The following PARN variants were observed in gnomAD, a reference collection of about 807,000 sequenced individuals.
PARN encodes the protein poly(A)-specific ribonuclease PARN.
A neutral mutation model predicts 102.8 loss-of-function variants in PARN; 71 were observed. The ratio of observed to expected loss-of-function variants is 0.69; its 90% confidence interval spans 0.57 to 0.84. PARN has a LOEUF of 0.84. Among genes scored for constraint, PARN ranks in the 40% least tolerant of loss-of-function variants. The probability of loss-of-function intolerance (pLI) is 0.00; values close to 1 mark genes in which losing one functional copy is unlikely to be tolerated. For missense variants in PARN, 782 were observed against 760.9 expected (o/e 1.03, Z -0.33); for synonymous variants, 261 against 252.9 (o/e 1.03, Z -0.30).
chr16:14,532,755 G>A (rs1966414614), intron 21 of PARN, among the ~76,000 whole-genome samples: 1 of 150,598 alleles, frequency 6.6e-6, no homozygotes, highest in South Asian at 2.1e-4. Flanking sequence ...GGCCGGGTGG[G>A]GGGCTGACCC....
intron 22 of PARN, among the ~76,000 whole-genome samples, chr16:14,480,099 G>A (rs1470007916): frequency 2.0e-5 from 3 of 152,056 alleles, no homozygotes; most frequent in African/African-American, 4.8e-5. Context: ...TTGGGAGGCC[G>A]AGGCTGCCGG....
chr16:14,495,820 CAGA>C (rs1964284860), intron 21 of PARN, among the ~76,000 whole-genome samples: 1 of 152,106 alleles, frequency 6.6e-6, no homozygotes, highest in African/African-American at 2.4e-5. Context: ...GACAGAGGCA[CAGA>C]AGGAGGGAGG....
At chr16:14,541,195 T>A (rs1446740534) in intron 21 of PARN, among the ~76,000 whole-genome samples, 1 of 151,656 alleles carries the variant, frequency 6.6e-6, no homozygotes, top group East Asian at 1.9e-4. Flanking sequence ...AATAACTTTT[T>A]AAAAAATCAA....
chr16:14,570,579 G>C (rs900235782), intron 18 of PARN, among the ~76,000 whole-genome samples: 3 of 151,216 alleles, frequency 2.0e-5, no homozygotes, highest in Non-Finnish European at 4.4e-5. Flanking sequence ...GAACCTGGGA[G>C]GCGGAGGTTG....
chr16:14,567,610 G>A (rs1449344175), intron 18 of PARN, among the ~76,000 whole-genome samples: 1 of 152,156 alleles, frequency 6.6e-6, no homozygotes, highest in South Asian at 2.1e-4. Context: ...CCAAGTTCTT[G>A]GGAAAGCCAG....
At chr16:14,546,215 T>C (rs190255348) in intron 21 of PARN, among the ~76,000 whole-genome samples, 20 of 152,390 alleles carry the variant, frequency 1.3e-4, no homozygotes, top group Admixed American at 5.2e-4. Flanking sequence ...AATTCAGGGC[T>C]GAACAATCAT....
rs754478076 is a variant in PARN, at chr16:14,581,448, AC to A, written c.1193-506del. Among the ~76,000 whole-genome samples, 89 of 152,058 alleles carry A rather than the reference AC, an allele frequency of 5.9e-4. 2 individuals are homozygous for A. The highest frequency in any genetic ancestry group is 4.9e-4 in the Non-Finnish European group (33 of 68,008). The stretch of plus-strand genomic sequence containing the variant: ...CCTCCCCTCATCTCCTCCCACTCCT[AC>A]CTCAAAACCCTCCCACTTTTAATTG... On this transcript the variant is annotated intron_variant, in intron 17 of 23. Transcript: ENST00000437198.
intron 21 of PARN, among the ~76,000 whole-genome samples, chr16:14,544,351 G>C (rs995024372): frequency 6.6e-6 from 1 of 152,112 alleles, no homozygotes; most frequent in African/African-American, 2.4e-5. Context: ...AATGCAGGTG[G>C]GTCACTTGAG....
rs75890207 is a variant in PARN at position 14,549,666 on chromosome 16, T to C, written c.1480+2355A>G. Among the ~76,000 whole-genome samples, 15 of 152,342 alleles carry C rather than the reference T, an allele frequency of 9.8e-5. No individual in the cohort carries two copies. The East Asian group carries it at 2.5e-3, about 25-fold the overall frequency. On this transcript the variant is annotated intron_variant, in intron 21 of 23. Transcript: ENST00000437198. ...ACACACAAGCAAGGAATCATGCTTG[T>C]ATTTTCAAATAAATGCTACTAACTC...
intron 12 of PARN, among the ~76,000 whole-genome samples, chr16:14,594,752 A>G (rs989356679): frequency 3.9e-5 from 6 of 152,188 alleles, no homozygotes; most frequent in African/African-American, 1.2e-4. Context: ...AGCTTTTACT[A>G]TAACCCAAAG....
At chr16:14,506,033 C>G (rs140210012) in intron 21 of PARN, among the ~76,000 whole-genome samples, 327 of 152,252 alleles carry the variant, frequency 2.1e-3, no homozygotes, top group African/African-American at 7.6e-3. Flanking sequence ...TGATGTCAAA[C>G]CAGACATCAG....
At chr16:14,572,235 G>T (rs1968856232) in intron 18 of PARN, among the ~76,000 whole-genome samples, 1 of 152,178 alleles carries the variant, frequency 6.6e-6, no homozygotes, top group South Asian at 2.1e-4. Context: ...ACAACCCACT[G>T]CGACCCTGCA....
At chr16:14,615,732 C>G (rs777591140) in intron 6 of PARN, among the ~76,000 whole-genome samples, 1 of 152,188 alleles carries the variant, frequency 6.6e-6, no homozygotes, top group South Asian at 2.1e-4. Flanking sequence ...GAAACCCCAT[C>G]GCTACTAAAA....
intron 21 of PARN, among the ~76,000 whole-genome samples, chr16:14,547,077 A>G (rs964265732): frequency 1.1e-4 from 17 of 151,048 alleles, no homozygotes; most frequent in Non-Finnish European, 1.9e-4. Context: ...TGGGCAACAG[A>G]GAGAGACCCT....
At chr16:14,604,248 T>C (rs373737327) in intron 10 of PARN, 22 bp from the exon 11 acceptor site, 414 of 1,435,704 alleles carry the variant, frequency 2.9e-4, no homozygotes, top group Non-Finnish European at 3.5e-4. Context: ...AAAGCAGATA[T>C]ACAATTTTCT....
intron 21 of PARN, among the ~76,000 whole-genome samples, chr16:14,517,681 A>AT (rs928662738): frequency 3.3e-5 from 5 of 152,014 alleles, no homozygotes; most frequent in Admixed American, 6.5e-5. Context: ...ATAAAAGGTT[A>AT]TTTTTTCTTT....
chr16:14,466,202 A>T (rs1353497435), intron 22 of PARN, among the ~76,000 whole-genome samples: 1 of 152,252 alleles, frequency 6.6e-6, no homozygotes, highest in Non-Finnish European at 1.5e-5. Flanking sequence ...GAAAATAAAT[A>T]TCAAAAGAAA....
chr16:14,496,107 C>T (rs1453540331), intron 21 of PARN, among the ~76,000 whole-genome samples: 2 of 152,218 alleles, frequency 1.3e-5, no homozygotes, highest in African/African-American at 4.8e-5. Context: ...AACAATTCTC[C>T]TTCCATGGCC....
intron 12 of PARN, among the ~76,000 whole-genome samples, chr16:14,595,208 A>G (rs1176626738): frequency 1.3e-5 from 2 of 152,200 alleles, no homozygotes; most frequent in African/African-American, 4.8e-5. Flanking sequence ...AAATAAACAT[A>G]ATGGAAGTAA....
Sources: gnomAD v4.1 joint callset for allele counts (sites outside exome capture counted in the v4.1 genomes callset) on GRCh38, gnomAD v4.1.1 for gene constraint, MANE v1.5 for transcripts, NCBI Gene and HGNC (gene_info 2026-07-23, HGNC 2026-07-21) for gene names.